SYT14: variants seen among roughly 807,000 people sequenced by gnomAD.
SYT14 encodes synaptotagmin-14.
In SYT14, 32 loss-of-function variants were observed where a neutral mutation model predicts 74.2. That is an observed-to-expected ratio of 0.43 (90% CI 0.33 to 0.58). SYT14 has a LOEUF of 0.58. Among genes scored for constraint, SYT14 ranks in the 20% least tolerant of loss-of-function variants. The probability of loss-of-function intolerance (pLI) is 0.05; values close to 1 mark genes in which losing one functional copy is unlikely to be tolerated. For missense variants in SYT14, 791 were observed against 981.8 expected, an observed-to-expected ratio of 0.81 and a Z score of 2.60; for synonymous variants, 298 against 337.7, an observed-to-expected ratio of 0.88 and a Z score of 1.29.
intron 7 of SYT14, among the ~76,000 whole-genome samples, chr1:210,149,165 T>C (rs1287189549): frequency 6.7e-6 from 1 of 150,292 alleles, no homozygotes; most frequent in Non-Finnish European, 1.5e-5. Flanking sequence ...TACATAAATT[T>C]TGATTATAGC....
At chr1:209,941,292 T>G (rs2078726036) in intron 1 of SYT14, among the ~76,000 whole-genome samples, 1 of 152,224 alleles carries the variant, frequency 6.6e-6, no homozygotes, top group Non-Finnish European at 1.5e-5. Flanking sequence ...GGAGCTAACA[T>G]AATTCCAGTC....
chr1:210,009,961 CCTCAACTCTTCTTCTTTCTTAT>C (rs1558126103), intron 2 of SYT14, among the ~76,000 whole-genome samples: 5 of 151,956 alleles, frequency 3.3e-5, no homozygotes, highest in Admixed American at 1.3e-4. Context: ...TCTTTCTTAT[CCTCAACTCTTCTTCTTTCTTAT>C]CCTCTAAATT....
chr1:210,166,782 G>A (rs546523634), exon 10 of SYT14: 1 of 152,230 alleles, frequency 6.6e-6, no homozygotes, highest in Admixed American at 6.5e-5. Context: ...GAGATCTATT[G>A]ATATAGAATA....
Position 210,029,163 on chromosome 1 carries a change from G to A in SYT14, c.1312+7909G>A, listed in dbSNP as rs144089103. On this transcript the variant is annotated intron_variant, in intron 5 of 9. Coordinates refer to ENST00000637265, the Ensembl canonical transcript of SYT14. Reference sequence around the variant, plus strand: ...GTTTTAGGAATTCTCCATATATTTTGGATATTAATCTCTTATCAGATATAT... The same window carrying A: ...GTTTTAGGAATTCTCCATATATTTTAGATATTAATCTCTTATCAGATATAT... Among the ~76,000 whole-genome samples the A allele has an allele frequency of 4.6e-3, 694 of 152,056 alleles. 4 individuals are homozygous for A. Among genetic ancestry groups the A allele is most frequent in the African/African-American group, 0.013 (537 of 41,500 alleles).
At chr1:210,140,095 A>G (rs2082883326) in intron 7 of SYT14, among the ~76,000 whole-genome samples, 1 of 152,132 alleles carries the variant, frequency 6.6e-6, no homozygotes, top group Non-Finnish European at 1.5e-5. Flanking sequence ...TGAGAGTTTC[A>G]GTTTCTCCAC....
intron 4 of SYT14, chr1:210,017,118 G>A: frequency 8.2e-7 from 1 of 1,220,584 alleles, no homozygotes; most frequent in Non-Finnish European, 1.0e-6. Flanking sequence ...TCCTAATGTT[G>A]GTGTGAGTGA....
intron 2 of SYT14, among the ~76,000 whole-genome samples, chr1:209,983,820 A>C (rs932500236): frequency 6.6e-6 from 1 of 152,166 alleles, no homozygotes; most frequent in African/African-American, 2.4e-5. Flanking sequence ...TGAACACTCT[A>C]TTGTGGTAAG....
At chr1:210,141,589 C>A (rs1232825431) in intron 7 of SYT14, among the ~76,000 whole-genome samples, 1 of 152,144 alleles carries the variant, frequency 6.6e-6, no homozygotes, top group Non-Finnish European at 1.5e-5. Flanking sequence ...TGTTGTCATT[C>A]CTCTTTGATG....
chr1:209,979,132 T>C (rs1233685076), intron 2 of SYT14, among the ~76,000 whole-genome samples: 1 of 152,158 alleles, frequency 6.6e-6, no homozygotes, highest in Admixed American at 6.5e-5. Flanking sequence ...GAAAGGGAAT[T>C]CCCTGACCCC....
chr1:210,072,489 C>T (rs2081413174), intron 5 of SYT14, among the ~76,000 whole-genome samples: 1 of 151,822 alleles, frequency 6.6e-6, no homozygotes, highest in African/African-American at 2.4e-5. Context: ...AAATGCTGCC[C>T]ATAGTATTAT....
At chr1:210,049,949 C>T (rs1019404749) in intron 5 of SYT14, among the ~76,000 whole-genome samples, 162 of 152,288 alleles carry the variant, frequency 1.1e-3, no homozygotes, top group African/African-American at 3.3e-3. Context: ...GTAGGGGCTG[C>T]GGTGAAGACC....
intron 7 of SYT14, among the ~76,000 whole-genome samples, chr1:210,102,894 T>A (rs1470022168): frequency 6.6e-6 from 1 of 152,008 alleles, no homozygotes; most frequent in African/African-American, 2.4e-5. Flanking sequence ...TCCAGGCTAG[T>A]CTTGAACTCC....
chr1:209,985,863 G>A (rs929726982), intron 2 of SYT14, among the ~76,000 whole-genome samples: 2 of 152,208 alleles, frequency 1.3e-5, no homozygotes, highest in Non-Finnish European at 2.9e-5. Flanking sequence ...AGCAGCCCAA[G>A]GTATACCTGG....
At chr1:210,059,685 CA>C (rs1296233371) in intron 5 of SYT14, among the ~76,000 whole-genome samples, 3 of 151,992 alleles carry the variant, frequency 2.0e-5, no homozygotes, top group Middle Eastern at 3.2e-3. Flanking sequence ...ACTAGGGGTC[CA>C]TACTCTTCTC....
At chr1:209,980,765 C>T (rs2079469630) in intron 2 of SYT14, among the ~76,000 whole-genome samples, 1 of 151,944 alleles carries the variant, frequency 6.6e-6, no homozygotes, top group Admixed American at 6.6e-5. Context: ...TGTAGGTGTG[C>T]AGTCTTATTT....
chr1:209,986,677 C>T (rs900560643), intron 2 of SYT14, among the ~76,000 whole-genome samples: 8 of 151,918 alleles, frequency 5.3e-5, no homozygotes, highest in Non-Finnish European at 7.4e-5. Flanking sequence ...TTTTTTGAGA[C>T]GGAGTCTCAC....
intron 7 of SYT14, among the ~76,000 whole-genome samples, chr1:210,132,111 A>G (rs2082686099): frequency 6.6e-6 from 1 of 152,104 alleles, no homozygotes; most frequent in Non-Finnish European, 1.5e-5. Flanking sequence ...CTGGCAGCCC[A>G]TTCTGTGTTA....
intron 5 of SYT14, among the ~76,000 whole-genome samples, chr1:210,045,274 TA>T (rs2080863779): frequency 6.6e-6 from 1 of 152,210 alleles, no homozygotes; most frequent in Admixed American, 6.5e-5. Context: ...TGTTTATTCA[TA>T]ATAGTGCTAA....
intron 2 of SYT14, among the ~76,000 whole-genome samples, chr1:209,986,973 T>A (rs2079581979): frequency 6.6e-6 from 1 of 152,194 alleles, no homozygotes; most frequent in Non-Finnish European, 1.5e-5. Context: ...ATGAACACAA[T>A]GCAACCAAGC....
Sources: gnomAD v4.1 joint callset for allele counts (sites outside exome capture counted in the v4.1 genomes callset) on GRCh38, gnomAD v4.1.1 for gene constraint, MANE v1.5 for transcripts, NCBI Gene and HGNC (gene_info 2026-07-23, HGNC 2026-07-21) for gene names.